Variants in COL5A1 observed in about 807,000 individuals in gnomAD.
COL5A1 encodes collagen type V alpha 1 chain, also known as collagen alpha-1(V) chain.
In COL5A1, 16 loss-of-function variants were observed where a neutral mutation model predicts 263.7. The observed-to-expected ratio is 0.06, with a 90% confidence interval of 0.04 to 0.09. COL5A1 has a LOEUF of 0.09. COL5A1 is among the 10% of genes least tolerant of loss of function. The probability of loss-of-function intolerance (pLI) is 1.00; values close to 1 mark genes in which losing one functional copy is unlikely to be tolerated. For missense variants in COL5A1, 2,036 were observed against 2,540.5 expected (o/e 0.80, Z 4.27); for synonymous variants, 1,012 against 1,004.5 (o/e 1.01, Z -0.14).
intron 59 of COL5A1, 148 bp from the exon 60 acceptor site, chr9:134,822,850 C>A: frequency 3.2e-6 from 3 of 945,972 alleles, no homozygotes; most frequent in East Asian, 5.2e-5. Context: ...TCCTCCCACT[C>A]TAGCCGGGCA....
chr9:134,759,128 A>T (rs1836108402), intron 18 of COL5A1, among the ~76,000 whole-genome samples: 2 of 151,942 alleles, frequency 1.3e-5, no homozygotes, highest in South Asian at 4.1e-4. Context: ...GCTTTCTGTG[A>T]AGCAGATTTC....
chr9:134,766,310 G>T lies in COL5A1; in HGVS notation c.2089-144G>T. On this transcript the variant is annotated intron_variant, in intron 21 of 65. Coordinates refer to ENST00000371817, the MANE Select transcript of COL5A1 (RefSeq NM_000093.5). ...CCTCTGGGAAGGGATTTGGAGTCAG[G>T]TCCTTCCCTTCCCCAGAGAGCATCC... The T allele has an allele frequency of 3.8e-6, 3 of 794,940 alleles. No homozygotes were observed. In the Admixed American group the frequency reaches 6.0e-5, roughly 16 times the overall value. 49.2% of individuals were successfully genotyped at this position (794,940 alleles called of 1,614,324 possible).
intron 1 of COL5A1, among the ~76,000 whole-genome samples, chr9:134,670,948 A>G (rs1287801334): frequency 1.3e-5 from 2 of 152,116 alleles, no homozygotes; most frequent in Non-Finnish European, 2.9e-5. Context: ...CTGAAATACC[A>G]CAAGGCCGGG....
intron 48 of COL5A1, among the ~76,000 whole-genome samples, chr9:134,813,599 C>T (rs1838624591): frequency 6.6e-6 from 1 of 152,260 alleles, no homozygotes; most frequent in Admixed American, 6.5e-5. Context: ...TCCCTGCGTC[C>T]CTCTGGCCTG....
rs568253374 is a variant in COL5A1, at chr9:134,755,642, G to A, written c.1828-1123G>A. ...GGGCTGAGTTGTGCTGTGAAATCCT[G>A]TGAAGTTTTCCGACAATCTTCCCTT... On this transcript the variant is annotated intron_variant, in intron 16 of 65. Coordinates refer to ENST00000371817, the MANE Select transcript of COL5A1 (RefSeq NM_000093.5). This position sits in a 1 kb window ranked among gnomAD's most constrained non-coding sequence, Gnocchi z 4.1. 4.6e-5 allele frequency among the ~76,000 whole-genome samples: 7 copies of A among 152,372 alleles called. No homozygotes were observed. The Middle Eastern group carries it at 0.01, about 222-fold the overall frequency.
At chr9:134,735,869 C>T (rs551812826) in intron 9 of COL5A1, among the ~76,000 whole-genome samples, 45 of 152,384 alleles carry the variant, frequency 3.0e-4, no homozygotes, top group African/African-American at 1.1e-3. Flanking sequence ...CAGAGCTCCC[C>T]AGCTGGGGCA....
Position 134,716,395 on chromosome 9 carries a change from C to T in COL5A1, c.655-10871C>T, listed in dbSNP as rs1377829405. Among the ~76,000 whole-genome samples, 6 of 152,136 alleles carry T rather than the reference C, an allele frequency of 3.9e-5. No individual in the cohort carries two copies. The highest frequency in any genetic ancestry group is 3.9e-4 in the Admixed American group (6 of 15,274). ...GGGAGCCTGGACCGAGTGAACATCC[C>T]CTGTGCTCAGCGATGCCCCGTGTGC... is the stretch of plus-strand genomic sequence containing the variant. On this transcript the variant is annotated intron_variant, in intron 4 of 65. Coordinates refer to ENST00000371817, the MANE Select transcript of COL5A1 (RefSeq NM_000093.5). This position sits in a 1 kb window ranked among gnomAD's most constrained non-coding sequence, Gnocchi z 4.5.
At position 134,818,919 on chromosome 9, in the gene COL5A1, T is replaced by C. The variant is rs1293996522; in HGVS notation, c.4392+18T>C. On this transcript the variant is annotated intron_variant, in intron 56 of 65. Coordinates refer to ENST00000371817, the MANE Select transcript of COL5A1 (RefSeq NM_000093.5). The surrounding 1 kb of genome is among the most constrained non-coding windows in gnomAD (Gnocchi z 6.0). ...GCCCCATGGTGAGTCACATTCCTCA[T>C]GGTGAGCATAGCGGGTGGGATGACT... is the stretch of plus-strand genomic sequence containing the variant. The C allele has an allele frequency of 6.2e-7, 1 of 1,613,046 alleles. No individual in the cohort carries two copies. Among genetic ancestry groups the C allele is most frequent in the African/African-American group, 1.3e-5 (1 of 74,910 alleles).
At chr9:134,759,255 T>C (rs1248512470) in intron 18 of COL5A1, among the ~76,000 whole-genome samples, 2 of 108,880 alleles carry the variant, frequency 1.8e-5, no homozygotes. Flanking sequence ...CACACATGTG[T>C]GCGCGCACAC....
rs368818087 is a variant in COL5A1 at position 134,642,199 on chromosome 9, T to C, written c.12T>C (p.His4=). The C allele has an allele frequency of 8.1e-4, 1,046 of 1,290,486 alleles. 12 individuals carry two copies. In the South Asian group the frequency reaches 0.023, roughly 28 times the overall value. 79.9% of individuals were successfully genotyped at this position (1,290,486 alleles called of 1,614,324 possible). The part of the protein sequence containing the change: MDV[H]TRWKARSALR... Reference sequence around the variant, plus strand: ...CGCGCCCCGCCGGCATGGACGTCCATACCCGCTGGAAAGCGCGCAGCGCGC... The same window carrying C: ...CGCGCCCCGCCGGCATGGACGTCCACACCCGCTGGAAAGCGCGCAGCGCGC... The change falls in exon 1 of 66, where the codon CAT becomes CAC. Residue 4 remains histidine (H), a synonymous_variant. Coordinates refer to ENST00000371817, the MANE Select transcript of COL5A1 (RefSeq NM_000093.5). The surrounding 1 kb of genome is among the most constrained non-coding windows in gnomAD (Gnocchi z 4.5).
intron 33 of COL5A1, 25 bp from the exon 34 acceptor site, chr9:134,795,237 C>A (rs1351659593): frequency 1.2e-6 from 2 of 1,613,772 alleles, no homozygotes; most frequent in Admixed American, 3.3e-5. Flanking sequence ...CTTGAGCTGA[C>A]CTTCCTTCTC....
chr9:134,645,884 G>A (rs1831460449), intron 1 of COL5A1, among the ~76,000 whole-genome samples: 1 of 152,222 alleles, frequency 6.6e-6, no homozygotes, highest in Non-Finnish European at 1.5e-5. Context: ...GGTCCTGGGA[G>A]CAGAGCCATT....
chr9:134,739,479 C>T lies in COL5A1; in HGVS notation c.1494+671C>T, dbSNP rs566090313. On this transcript the variant is annotated intron_variant, in intron 11 of 65. Coordinates refer to ENST00000371817, the MANE Select transcript of COL5A1 (RefSeq NM_000093.5). ...AACAAGGGCTGCGTGCGGGTGTTCGCGGGTGTTCACGCCAGGGCCCTGCCT... is the reference window on the plus strand; with the variant it reads ...AACAAGGGCTGCGTGCGGGTGTTCGTGGGTGTTCACGCCAGGGCCCTGCCT... Among the ~76,000 whole-genome samples the T allele has an allele frequency of 5.9e-5, 9 of 152,292 alleles. No individual in the cohort carries two copies. The South Asian group carries it at 8.3e-4, about 14-fold the overall frequency.
chr9:134,738,608 G>T, intron 10 of COL5A1, 93 bp downstream of exon 10: 1 of 1,572,192 alleles, frequency 6.4e-7, no homozygotes, highest in Non-Finnish European at 8.8e-7. Flanking sequence ...TGGAAAAGAG[G>T]GGGGCTCTCC....
intron 14 of COL5A1, among the ~76,000 whole-genome samples, chr9:134,753,008 C>T (rs1176649892): frequency 3.9e-5 from 6 of 152,144 alleles, no homozygotes; most frequent in African/African-American, 1.2e-4. Flanking sequence ...GAGTTCCAGG[C>T]TCCCCCTGCA....
chr9:134,759,319 TACAC>T (rs368896967), intron 18 of COL5A1, among the ~76,000 whole-genome samples: 18 of 121,188 alleles, frequency 1.5e-4, no homozygotes, highest in Non-Finnish European at 2.2e-4. Context: ...CCCACACTCA[TACAC>T]ACATGCACAC....
chr9:134,747,787 GCA>G (rs1302756476), intron 11 of COL5A1, among the ~76,000 whole-genome samples: 8 of 134,092 alleles, frequency 6.0e-5, no homozygotes, highest in African/African-American at 8.9e-5. Context: ...ATGCACACAT[GCA>G]TTCATACACA....
chr9:134,743,822 G>A (rs558712430), intron 11 of COL5A1, among the ~76,000 whole-genome samples: 1 of 152,318 alleles, frequency 6.6e-6, no homozygotes, highest in African/African-American at 2.4e-5. Context: ...TTTTGCGTGA[G>A]TGCATTTTCT....
At position 134,759,509 on chromosome 9, in the gene COL5A1, A is replaced by G. The variant is rs550523427; in HGVS notation, c.1935+1213A>G. Among the ~76,000 whole-genome samples the G allele has an allele frequency of 2.6e-3, 348 of 131,884 alleles. 2 individuals are homozygous for G. The highest frequency in any genetic ancestry group is 4.1e-3 in the Non-Finnish European group (259 of 63,382). The allele number at this position is 131,884 out of a possible 152,430, so 86.5% of individuals were successfully genotyped here. ...CACCCACACTCATACACACATGCAC[A>G]CACACATACACACACCACATACACC... is the stretch of plus-strand genomic sequence containing the variant. On this transcript the variant is annotated intron_variant, in intron 18 of 65. Transcript: ENST00000371817.
Sources: allele counts gnomAD v4.1 joint callset (sites outside exome capture counted in the v4.1 genomes callset), GRCh38; gene constraint gnomAD v4.1.1; non-coding constraint Gnocchi (gnomAD v3.1); transcripts MANE v1.5; gene names NCBI Gene and HGNC (gene_info 2026-07-23, HGNC 2026-07-21).